FAM200A: variants seen among roughly 807,000 people sequenced by gnomAD.
The protein encoded by FAM200A is protein FAM200A.
FAM200A carries 26 observed loss-of-function variants against 44.2 expected under a neutral mutation model. The ratio of observed to expected loss-of-function variants is 0.59; its 90% confidence interval spans 0.43 to 0.82. FAM200A has a LOEUF of 0.82. FAM200A is among the 40% of genes least tolerant of loss of function. The pLI is 0.00. For synonymous variants in FAM200A, 206 were observed against 244.4 expected (o/e 0.84, Z 1.47); for missense variants, 606 against 669.5 (o/e 0.91, Z 1.05).
Position 99,551,942 on chromosome 7 carries a change from C to T in FAM200A, c.-188G>A, listed in dbSNP as rs1023397393. The T allele has an allele frequency of 7.6e-5, 75 of 985,408 alleles. No homozygotes were observed. Among genetic ancestry groups the T allele is most frequent in the Non-Finnish European group, 8.8e-5 (73 of 829,998 alleles). The allele number at this position is 985,408 out of a possible 1,614,324, so 61.0% of individuals were successfully genotyped here. ...CGGGGGCACGGACCCGCTTCCACTC[C>T]GTCCCGGGCGGTCGTGGCGAGGGGA... On this transcript the variant is annotated 5_prime_UTR_variant, in exon 1 of 2. Coordinates refer to ENST00000449309, the MANE Select transcript of FAM200A (RefSeq NM_145111.4).
At chr7:99,558,041 C>T (rs1370429151) in intron 1 of FAM200A, among the ~76,000 whole-genome samples, 3 of 152,156 alleles carry the variant, frequency 2.0e-5, no homozygotes, top group Non-Finnish European at 4.4e-5. Context: ...TTAGTCTTCC[C>T]ACCAGGGACG....
In FAM200A at chr7:99,547,392, A is replaced by G; in HGVS notation, c.1016T>C (p.Ile339Thr). 1.3e-6 allele frequency: 2 copies of G among 1,550,448 alleles called. No individual in the cohort carries two copies. The highest frequency in any genetic ancestry group is 1.7e-6 in the Non-Finnish European group (2 of 1,146,734). Residue 339 changes from isoleucine to threonine, a missense_variant, in exon 2 of 2, where the codon ATT becomes ACT. By Grantham distance (89) the Ile-to-Thr change is moderately conservative (BLOSUM62 -1). Transcript: ENST00000449309. ...TAAATATGCCAATTTTGTTACCCAA[A>G]TGTCGTCTTCAAAAATATTTGCCAA... ...SHLANIFEDD[I>T]WVTKLAYLSD...
chr7:99,547,606 C>T lies in FAM200A; in HGVS notation c.802G>A (p.Val268Ile). The T allele has an allele frequency of 1.3e-6, 2 of 1,551,246 alleles. No homozygotes were observed. Among genetic ancestry groups the T allele is most frequent in the Non-Finnish European group, 1.7e-6 (2 of 1,146,870 alleles). The part of the protein sequence containing the change: ...MDVLKNAVKT[V>I]NFIKGSSLNS... ...AGTGAGCTTCCTTTAATAAAATTAA[C>T]AGTTTTCACTGCATTTTTCAATACA... The change falls in exon 2 of 2, where the codon GTT becomes ATT. Residue 268 changes from valine to isoleucine, a missense_variant. Coordinates refer to ENST00000449309, the MANE Select transcript of FAM200A (RefSeq NM_145111.4).
upstream of FAM200A, among the ~76,000 whole-genome samples, chr7:99,555,071 G>T (rs970792544): frequency 1.6e-4 from 24 of 152,196 alleles, no homozygotes; most frequent in Non-Finnish European, 3.4e-4. Flanking sequence ...TTAACAGGTT[G>T]AAGTTCTAGC....
At position 99,548,329 on chromosome 7, in the gene FAM200A, C is replaced by T. The variant is rs758522663; in HGVS notation, c.79G>A (p.Val27Met). Residue 27 changes from valine (V) to methionine (M), a missense_variant, in exon 2 of 2, where the codon GTG (valine) becomes ATG (methionine). Val to Met is a conservative substitution (Grantham distance 21). Coordinates refer to ENST00000449309, the MANE Select transcript of FAM200A (RefSeq NM_145111.4). ...QEMEGIVIVK[V>M]EEEDEEDHFQ... is the part of the protein sequence containing the mutation. ...TGGTCTTCTTCATCTTCCTCCTCCA[C>T]CTTCACTATCACGATGCCTTCCATC... The T allele has an allele frequency of 1.2e-6, 2 of 1,614,188 alleles. No homozygotes were observed. Among genetic ancestry groups the T allele is most frequent in the East Asian group, 2.2e-5 (1 of 44,886 alleles).
chr7:99,553,087 ATATATATATATATTTTTTTT>A (rs1168454151), upstream of FAM200A, among the ~76,000 whole-genome samples: 7 of 100,430 alleles, frequency 7.0e-5, no homozygotes, highest in African/African-American at 3.8e-4. Context: ...ATATATATAT[ATATATATATATATTTTTTTT>A]TTTTTTTTTT....
At chr7:99,549,389 T>G (rs1168936588) in intron 1 of FAM200A, among the ~76,000 whole-genome samples, 1 of 152,084 alleles carries the variant, frequency 6.6e-6, no homozygotes, top group African/African-American at 2.4e-5. Flanking sequence ...ATTACCTGAC[T>G]TAGGAAACAA....
At chr7:99,550,345 G>A (rs554648068) in intron 1 of FAM200A, among the ~76,000 whole-genome samples, 6 of 152,140 alleles carry the variant, frequency 3.9e-5, no homozygotes, top group African/African-American at 1.2e-4. Context: ...TCCTGACCTC[G>A]TGATCCACCC....
chr7:99,548,386 T>G lies in FAM200A; in HGVS notation c.22A>C (p.Thr8Pro). ...GTACCCCCTGGAGACAAATCTGTAG[T>G]ATCCCTTGATTCAGGAGTCATTATT... MTPESRD[T>P]TDLSPGGTQE... The change falls in exon 2 of 2, where the codon ACT (threonine) becomes CCT (proline). Residue 8 changes from threonine (T) to proline (P), a missense_variant. Transcript: ENST00000449309. 6.2e-7 allele frequency: 1 copy of G among 1,613,834 alleles called. No individual in the cohort carries two copies. The highest frequency in any genetic ancestry group is 8.5e-7 in the Non-Finnish European group (1 of 1,179,856).
At chr7:99,555,080 GC>G (rs1174039775), upstream of FAM200A, among the ~76,000 whole-genome samples, 2 of 152,164 alleles carry the variant, frequency 1.3e-5, no homozygotes, top group African/African-American at 4.8e-5. Context: ...TGAAGTTCTA[GC>G]CCCTAATACC....
chr7:99,552,233 C>T (rs1802554608), upstream of FAM200A: 1 of 950,036 alleles, frequency 1.1e-6, no homozygotes, highest in African/African-American at 1.8e-5. Context: ...GTTTGGGGAT[C>T]TTGCTCCTCA....
upstream of FAM200A, among the ~76,000 whole-genome samples, chr7:99,553,102 T>TA (rs1802601180): frequency 1.1e-5 from 1 of 88,678 alleles, no homozygotes; most frequent in Non-Finnish European, 2.0e-5. Context: ...TATATATATT[T>TA]TTTTTTTTTT....
chr7:99,554,478 CAAAAA>C (rs397889799), upstream of FAM200A, among the ~76,000 whole-genome samples: 1 of 52,198 alleles, frequency 1.9e-5, no homozygotes. Flanking sequence ...GACTCCGTCT[CAAAAA>C]AAAAAAAAAA....
upstream of FAM200A, among the ~76,000 whole-genome samples, chr7:99,553,188 C>A (rs1802605492): frequency 6.7e-6 from 1 of 148,436 alleles, no homozygotes; most frequent in South Asian, 2.1e-4. Flanking sequence ...CTACAGTCCT[C>A]CGTGATGACA....
chr7:99,556,366 G>A (rs1038902734), upstream of FAM200A, among the ~76,000 whole-genome samples: 1 of 152,082 alleles, frequency 6.6e-6, no homozygotes, highest in Admixed American at 6.5e-5. Flanking sequence ...GGGACCTGCC[G>A]AGTCTGCACA....
intron 1 of FAM200A, among the ~76,000 whole-genome samples, chr7:99,550,723 T>C (rs955512068): frequency 2.6e-5 from 4 of 152,270 alleles, no homozygotes; most frequent in Admixed American, 6.5e-5. Context: ...TATCCCTCGA[T>C]GTCAAGCATA....
rs781534389 is a variant in FAM200A at position 99,547,675 on chromosome 7, G to A, written c.733C>T (p.Arg245Ter). The stretch of plus-strand genomic sequence containing the variant: ...ATTTCTTTGGATACCAAAGCTTCTC[G>A]ATGAATAAAACAGTGATTCCAAACA... ...NAVWNHCFIH[R>*]EALVSKEISP... Residue 245 changes from arginine to a stop codon, truncating the protein, a stop_gained, in exon 2 of 2, where the codon CGA becomes TGA. Coordinates refer to ENST00000449309, the MANE Select transcript of FAM200A (RefSeq NM_145111.4). LOFTEE classifies it high-confidence loss of function. 19 of 1,550,906 alleles carry A rather than the reference G, an allele frequency of 1.2e-5. No homozygotes were observed. Among genetic ancestry groups the A allele is most frequent in the South Asian group, 8.3e-5 (7 of 83,844 alleles).
chr7:99,555,837 C>T (rs1802665629), upstream of FAM200A, among the ~76,000 whole-genome samples: 1 of 152,010 alleles, frequency 6.6e-6, no homozygotes, highest in African/African-American at 2.4e-5. Context: ...ATCCAGAAAG[C>T]AGAGGTTGCA....
rs1802550358 is a variant in FAM200A at position 99,552,113 on chromosome 7, A to C, written c.-359T>G. The C allele has an allele frequency of 1.0e-6, 1 of 985,382 alleles. No individual in the cohort carries two copies. Among genetic ancestry groups the C allele is most frequent in the African/African-American group, 1.7e-5 (1 of 57,264 alleles). 61.0% of individuals were successfully genotyped at this position (985,382 alleles called of 1,614,324 possible). ...GCCTTCAGAGCCCAGGGAAAGCGTCACAAAAGCCGGAAGTGCGTCACACCC... is the reference window on the plus strand; with the variant it reads ...GCCTTCAGAGCCCAGGGAAAGCGTCCCAAAAGCCGGAAGTGCGTCACACCC... On this transcript the variant is annotated 5_prime_UTR_variant, in exon 1 of 2. Coordinates refer to ENST00000449309, the MANE Select transcript of FAM200A (RefSeq NM_145111.4).
Sources: gnomAD v4.1 joint callset for allele counts (sites outside exome capture counted in the v4.1 genomes callset) on GRCh38, gnomAD v4.1.1 for gene constraint, MANE v1.5 for transcripts, NCBI Gene and HGNC (gene_info 2026-07-23, HGNC 2026-07-21) for gene names.